The following TIAM2 variants were observed in gnomAD, a reference collection of about 807,000 sequenced individuals.
TIAM2 encodes rho guanine nucleotide exchange factor TIAM2.
In TIAM2, 80 loss-of-function variants were observed where a neutral mutation model predicts 152.9. That is an observed-to-expected ratio of 0.52 (90% CI 0.44 to 0.63). The LOEUF is 0.63. Among genes scored for constraint, TIAM2 ranks in the 30% least tolerant of loss-of-function variants. The pLI, the probability that TIAM2 is intolerant of heterozygous loss-of-function variation, is 0.00. For missense variants in TIAM2, 1,965 were observed against 2,120.1 expected, an observed-to-expected ratio of 0.93 and a Z score of 1.44; for synonymous variants, 804 against 838.0, an observed-to-expected ratio of 0.96 and a Z score of 0.70.
intron 1 of TIAM2, among the ~76,000 whole-genome samples, chr6:155,015,953 A>C (rs1464875829): frequency 2.0e-5 from 3 of 150,542 alleles, no homozygotes; most frequent in African/African-American, 4.9e-5. Context: ...CCAAAAAAAA[A>C]AAAAAAAAAA....
At chr6:155,191,263 T>G (rs2115166221) in intron 14 of TIAM2, among the ~76,000 whole-genome samples, 1 of 152,344 alleles carries the variant, frequency 6.6e-6, no homozygotes, top group African/African-American at 2.4e-5. Context: ...GACAAGTCAC[T>G]TAACCTGAAA....
chr6:155,226,799 G>C (rs1170496947), intron 15 of TIAM2, among the ~76,000 whole-genome samples: 1 of 152,208 alleles, frequency 6.6e-6, no homozygotes, highest in Non-Finnish European at 1.5e-5. Flanking sequence ...ATTCCCCCAA[G>C]TCAGAGCCCG....
rs749973620 is a variant in TIAM2 at position 155,182,307 on chromosome 6, C to T, written c.2789C>T (p.Ala930Val). 9 of 1,613,826 alleles carry T rather than the reference C, an allele frequency of 5.6e-6. No homozygotes were observed. The highest frequency in any genetic ancestry group is 1.1e-5 in the South Asian group (1 of 91,070). The change falls in exon 13 of 27, where the codon GCG (alanine) becomes GTG (valine). Residue 930 changes from alanine (A) to valine (V), a missense_variant. Physicochemically the swap from Ala to Val is moderately conservative, Grantham distance 64. Transcript: ENST00000682666. ...AGCGACGTTCTTCCCGATGGCCTGG[C>T]GTATGGGGAAGGTCCGTGTGGCACA... ...FISDVLPDGL[A>V]YGEGLRKGNE... is the part of the protein sequence containing the mutation.
chr6:155,118,435 C>CTT (rs869154446), intron 2 of TIAM2, among the ~76,000 whole-genome samples: 13 of 34,850 alleles, frequency 3.7e-4, no homozygotes, highest in African/African-American at 9.3e-4. Flanking sequence ...TTTTCTTTTT[C>CTT]TTTTTTTTTT....
intron 1 of TIAM2, among the ~76,000 whole-genome samples, chr6:155,060,729 C>G (rs1777559227): frequency 6.6e-6 from 1 of 152,076 alleles, no homozygotes; most frequent in African/African-American, 2.4e-5. Flanking sequence ...AACCCTGTCT[C>G]TACTAAAAAT....
chr6:155,205,108 A>C (rs945880023), intron 14 of TIAM2, among the ~76,000 whole-genome samples: 2 of 145,736 alleles, frequency 1.4e-5, no homozygotes, highest in Non-Finnish European at 3.0e-5. Flanking sequence ...ACACCATTGC[A>C]TTGAGAATTA....
At chr6:155,146,630 C>G (rs1002256103) in intron 6 of TIAM2, among the ~76,000 whole-genome samples, 1 of 152,044 alleles carries the variant, frequency 6.6e-6, no homozygotes, top group African/African-American at 2.4e-5. Flanking sequence ...GAGTCTTGCT[C>G]TGTTGCCCAG....
intron 1 of TIAM2, among the ~76,000 whole-genome samples, chr6:155,067,185 T>G (rs1777713159): frequency 4.6e-5 from 7 of 152,116 alleles, no homozygotes; most frequent in Admixed American, 4.6e-4. Context: ...AGTCTGGCTG[T>G]GGGGGAGCTC....
At chr6:155,226,188 G>A (rs934116135) in intron 15 of TIAM2, among the ~76,000 whole-genome samples, 5 of 152,150 alleles carry the variant, frequency 3.3e-5, no homozygotes, top group Non-Finnish European at 7.3e-5. Context: ...CTTCATAAGC[G>A]ATGAAAAGCA....
rs775786001 is a variant in TIAM2, at chr6:155,240,543, T to C, written c.3182T>C (p.Ile1061Thr). ...GTCCTCTCTCAGAGTGCTGAGCAGA[T>C]CACTGCACTGTGCAGGAGTTTTAAC... ...MEQTFRSAEQ[I>T]TALCRSFNDS... The change falls in exon 16 of 27, where the codon ATC (isoleucine) becomes ACC (threonine). Residue 1061 changes from isoleucine to threonine, a missense_variant. Transcript: ENST00000682666. 1.9e-6 allele frequency: 3 copies of C among 1,613,602 alleles called. No homozygotes were observed. The highest frequency in any genetic ancestry group is 2.5e-6 in the Non-Finnish European group (3 of 1,179,786).
At chr6:155,109,150 A>AT (rs759234192) in intron 2 of TIAM2, among the ~76,000 whole-genome samples, 2 of 151,772 alleles carry the variant, frequency 1.3e-5, no homozygotes, top group Admixed American at 6.6e-5. Context: ...CACCCGGCTA[A>AT]TTTTTTTGTA....
chr6:155,050,262 G>A (rs958783232), intron 1 of TIAM2, among the ~76,000 whole-genome samples: 3 of 152,132 alleles, frequency 2.0e-5, no homozygotes, highest in African/African-American at 4.8e-5. Context: ...GTGACCTCAA[G>A]TGATCCACCT....
At chr6:155,150,894 A>T (rs9480069) in intron 7 of TIAM2, among the ~76,000 whole-genome samples, 70,309 of 152,044 alleles carry the variant, frequency 0.46, 16,830 homozygotes, top group Middle Eastern at 0.55. Flanking sequence ...GTGAAGGATG[A>T]AAGACACCGT....
chr6:155,243,757 G>T (rs1313422052), intron 16 of TIAM2, among the ~76,000 whole-genome samples: 1 of 149,136 alleles, frequency 6.7e-6, no homozygotes, highest in Non-Finnish European at 1.5e-5. Context: ...TGAGGCAGGG[G>T]AATCTCTTGA....
intron 1 of TIAM2, among the ~76,000 whole-genome samples, chr6:155,074,391 C>T (rs1232871173): frequency 2.6e-5 from 4 of 151,812 alleles, no homozygotes; most frequent in Admixed American, 6.6e-5. Context: ...CTCGCTCAGT[C>T]GCCCAGGCTG....
intron 1 of TIAM2, among the ~76,000 whole-genome samples, chr6:155,027,166 G>A (rs575684288): frequency 5.0e-4 from 76 of 151,626 alleles, no homozygotes; most frequent in Non-Finnish European, 7.5e-4. Context: ...CTCCTGAGTA[G>A]CTGGGACATG....
At chr6:155,078,447 G>T (rs890406137) in intron 1 of TIAM2, among the ~76,000 whole-genome samples, 1 of 152,152 alleles carries the variant, frequency 6.6e-6, no homozygotes, top group Admixed American at 6.5e-5. Flanking sequence ...CTCACGTCAC[G>T]CATGGGACCA....
intron 15 of TIAM2, among the ~76,000 whole-genome samples, chr6:155,216,435 G>T (rs2115228195): frequency 6.6e-6 from 1 of 152,344 alleles, no homozygotes; most frequent in East Asian, 1.9e-4. Context: ...ATGAAGCACA[G>T]CTGTACCCAG....
chr6:155,149,661 G>A (rs570203215), intron 7 of TIAM2, among the ~76,000 whole-genome samples: 1 of 152,150 alleles, frequency 6.6e-6, no homozygotes, highest in Admixed American at 6.5e-5. Context: ...GGTGGCTGAC[G>A]CCTATAATCC....
Sources: gnomAD v4.1 joint callset for allele counts (sites outside exome capture counted in the v4.1 genomes callset) on GRCh38, gnomAD v4.1.1 for gene constraint, MANE v1.5 for transcripts, NCBI Gene and HGNC (gene_info 2026-07-23, HGNC 2026-07-21) for gene names.